Variants in NRF1 observed in about 807,000 individuals in gnomAD.
NRF1 encodes the protein nuclear respiratory factor 1, also known as alpha palindromic-binding protein.
Under a neutral mutation model 58.5 loss-of-function variants are expected in NRF1, and 5 were observed. That is an observed-to-expected ratio of 0.09 (90% CI 0.04 to 0.18). NRF1 has a LOEUF of 0.18. NRF1 is among the 10% of genes least tolerant of loss of function. NRF1 has a pLI of 1.00. For synonymous variants in NRF1, 224 were observed against 246.7 expected (o/e 0.91, Z 0.86); for missense variants, 288 against 657.7 (o/e 0.44, Z 6.15).
chr7:129,688,747 A>C (rs1388130214), intron 4 of NRF1, among the ~76,000 whole-genome samples: 2 of 152,126 alleles, frequency 1.3e-5, no homozygotes, highest in Non-Finnish European at 2.9e-5. Flanking sequence ...TGGAACTGCC[A>C]AACACTTTTA....
chr7:129,688,394 T>G (rs2151091695), intron 4 of NRF1, among the ~76,000 whole-genome samples: 1 of 152,300 alleles, frequency 6.6e-6, no homozygotes, highest in Admixed American at 6.5e-5. Flanking sequence ...CCCAATGTGC[T>G]GGGATTACAG....
At chr7:129,637,261 A>G (rs1262323214) in intron 1 of NRF1, among the ~76,000 whole-genome samples, 3 of 152,070 alleles carry the variant, frequency 2.0e-5, no homozygotes, top group African/African-American at 7.2e-5. Flanking sequence ...TGAAAAAAAA[A>G]AAAAAGAAGA....
intron 1 of NRF1, among the ~76,000 whole-genome samples, chr7:129,651,389 C>A (rs1801530543): frequency 6.8e-6 from 1 of 146,570 alleles, no homozygotes; most frequent in Non-Finnish European, 1.5e-5. Context: ...CACTGCCCTC[C>A]AGCCTGGGCA....
chr7:129,665,813 A>G (rs147390317), intron 2 of NRF1, among the ~76,000 whole-genome samples: 180 of 152,240 alleles, frequency 1.2e-3, no homozygotes, highest in African/African-American at 4.1e-3. Context: ...CCGTTTTGCC[A>G]TGTTGCCCAG....
At chr7:129,620,320 A>T (rs1188555094) in intron 1 of NRF1, among the ~76,000 whole-genome samples, 2 of 151,840 alleles carry the variant, frequency 1.3e-5, no homozygotes, top group Non-Finnish European at 2.9e-5. Context: ...TCTAGGACTG[A>T]CACTTAGTAT....
chr7:129,661,083 GC>G (rs1195974800), intron 2 of NRF1, among the ~76,000 whole-genome samples: 5 of 151,392 alleles, frequency 3.3e-5, no homozygotes, highest in Non-Finnish European at 7.3e-5. Context: ...GGGGCTTGCA[GC>G]CCCTGAAGCC....
At chr7:129,726,828 A>G (rs1736889528) in intron 9 of NRF1, among the ~76,000 whole-genome samples, 1 of 152,222 alleles carries the variant, frequency 6.6e-6, no homozygotes, top group South Asian at 2.1e-4. Context: ...GCCTTATGTT[A>G]CTGTGAGGAG....
intron 9 of NRF1, among the ~76,000 whole-genome samples, chr7:129,719,049 TAGA>T (rs1803255111): frequency 2.0e-5 from 3 of 152,140 alleles, no homozygotes; most frequent in Admixed American, 1.3e-4. Flanking sequence ...GAGAGGAGAT[TAGA>T]AGATCAGTTA....
At chr7:129,639,712 T>C (rs529212428) in intron 1 of NRF1, among the ~76,000 whole-genome samples, 1 of 152,092 alleles carries the variant, frequency 6.6e-6, no homozygotes, top group South Asian at 2.1e-4. Context: ...CACACCCAGC[T>C]AATTTTTGTG....
chr7:129,703,604 A>C (rs1417329962), intron 5 of NRF1, among the ~76,000 whole-genome samples: 1 of 152,222 alleles, frequency 6.6e-6, no homozygotes, highest in East Asian at 1.9e-4. Flanking sequence ...AAGTCAAATT[A>C]TCTCTTAAGC....
rs376100592 is a variant in NRF1 at position 129,684,776 on chromosome 7, A to G, written c.466-5630A>G. 3.3e-5 allele frequency among the ~76,000 whole-genome samples: 5 copies of G among 152,318 alleles called. No homozygotes were observed. The East Asian group carries it at 5.8e-4, about 18-fold the overall frequency. On this transcript the variant is annotated intron_variant, in intron 4 of 10. Coordinates refer to ENST00000393232, the MANE Select transcript of NRF1 (RefSeq NM_005011.5). ...TAGTATAGTGAAAGCCCCGTTGCTC[A>G]TGTATTTACTTCGTCAACATATAAC...
intron 1 of NRF1, among the ~76,000 whole-genome samples, chr7:129,655,374 T>C (rs1311295909): frequency 6.6e-6 from 1 of 152,234 alleles, no homozygotes; most frequent in African/African-American, 2.4e-5. Flanking sequence ...AACAATCATG[T>C]CATCTATGAA....
intron 1 of NRF1, among the ~76,000 whole-genome samples, chr7:129,639,541 A>C (rs1801241781): frequency 9.2e-6 from 1 of 109,216 alleles, no homozygotes; most frequent in Admixed American, 9.6e-5. Flanking sequence ...TTGTCCCCAC[A>C]ACCCTTTTTT....
intron 10 of NRF1, among the ~76,000 whole-genome samples, chr7:129,738,058 C>T (rs1803759382): frequency 6.6e-6 from 1 of 152,184 alleles, no homozygotes; most frequent in African/African-American, 2.4e-5. Context: ...CCACCCACTC[C>T]CTTGTTGATA....
chr7:129,619,398 A>G (rs1468961084), intron 1 of NRF1, among the ~76,000 whole-genome samples: 80 of 17,236 alleles, frequency 4.6e-3, no homozygotes, highest in South Asian at 0.02. Context: ...GCATACGTGT[A>G]TATATATATA....
chr7:129,721,021 T>C (rs961332304), intron 9 of NRF1, among the ~76,000 whole-genome samples: 1 of 151,730 alleles, frequency 6.6e-6, no homozygotes, highest in African/African-American at 2.4e-5. Flanking sequence ...TATAATACCA[T>C]ATATATGTAT....
intron 9 of NRF1, among the ~76,000 whole-genome samples, chr7:129,724,134 G>A (rs1185264280): frequency 6.6e-6 from 1 of 152,196 alleles, no homozygotes; most frequent in Non-Finnish European, 1.5e-5. Context: ...GAAAATATTT[G>A]CAAATTGTAT....
intron 1 of NRF1, among the ~76,000 whole-genome samples, chr7:129,620,321 C>T (rs575935108): frequency 1.1e-4 from 16 of 151,530 alleles, no homozygotes; most frequent in Admixed American, 9.8e-4. Context: ...CTAGGACTGA[C>T]ACTTAGTATA....
intron 1 of NRF1, among the ~76,000 whole-genome samples, chr7:129,626,275 G>A (rs1167148424): frequency 6.6e-6 from 1 of 152,206 alleles, no homozygotes; most frequent in Admixed American, 6.5e-5. Context: ...GAGTCCCTGA[G>A]TATCCTGTGT....
Sources: gnomAD v4.1 joint callset for allele counts (sites outside exome capture counted in the v4.1 genomes callset) on GRCh38, gnomAD v4.1.1 for gene constraint, MANE v1.5 for transcripts, NCBI Gene and HGNC (gene_info 2026-07-23, HGNC 2026-07-21) for gene names.